The following CSMD2 variants were observed in gnomAD, a reference collection of about 807,000 sequenced individuals.
The protein encoded by CSMD2 is CUB and Sushi multiple domains 2, also known as CUB and sushi domain-containing protein 2.
CSMD2 carries 130 observed loss-of-function variants against 398.5 expected under a neutral mutation model. The observed-to-expected ratio is 0.33, with a 90% CI of 0.28 to 0.38. CSMD2 has a LOEUF of 0.38. Among genes scored for constraint, CSMD2 ranks in the 10% least tolerant of loss-of-function variants. The pLI, the probability that CSMD2 is intolerant of heterozygous loss-of-function variation, is 1.00. For missense variants in CSMD2, 3,829 were observed against 4,764.9 expected (o/e 0.80, Z 5.78); for synonymous variants, 1,828 against 1,908.5 (o/e 0.96, Z 1.10).
intron 2 of CSMD2, among the ~76,000 whole-genome samples, chr1:34,036,454 T>C (rs1478209582): frequency 6.6e-6 from 1 of 152,164 alleles, no homozygotes; most frequent in Non-Finnish European, 1.5e-5. Flanking sequence ...TATATAACAT[T>C]CTAGAGATGA....
chr1:33,545,097 T>A (rs1284970234), intron 57 of CSMD2, among the ~76,000 whole-genome samples: 1 of 152,094 alleles, frequency 6.6e-6, no homozygotes, highest in Non-Finnish European at 1.5e-5. Context: ...ACTTCCCAAT[T>A]CCATTCCACT....
At chr1:33,951,674 TC>T (rs1288380830) in intron 3 of CSMD2, among the ~76,000 whole-genome samples, 2 of 152,178 alleles carry the variant, frequency 1.3e-5, no homozygotes, top group Non-Finnish European at 2.9e-5. Flanking sequence ...CCAGGCACCA[TC>T]CTTAAGCTTC....
At position 33,600,911 on chromosome 1, in the gene CSMD2, G is replaced by C; in HGVS notation, c.6810C>G (p.Phe2270Leu). The C allele has an allele frequency of 1.2e-6, 2 of 1,614,164 alleles. No homozygotes were observed. Among genetic ancestry groups the C allele is most frequent in the Non-Finnish European group, 1.7e-6 (2 of 1,180,044 alleles). Residue 2270 changes from phenylalanine to leucine, a missense_variant, in exon 44 of 71, where the codon TTC becomes TTG. By Grantham distance (22) the Phe-to-Leu change is conservative. Coordinates refer to ENST00000373381, the MANE Select transcript of CSMD2 (RefSeq NM_001281956.2). ...TCCCCCCTGTGGCTGCATCACGGTGGAACTTGAGCAGGACCTGGTTGGATG... is the reference window on the plus strand; with the variant it reads ...TCCCCCCTGTGGCTGCATCACGGTGCAACTTGAGCAGGACCTGGTTGGATG... ...QSSSNQVLLK[F>L]HRDAATGGIF...
chr1:34,162,034 T>C (rs1641373517), intron 1 of CSMD2, among the ~76,000 whole-genome samples: 1 of 151,754 alleles, frequency 6.6e-6, no homozygotes, highest in African/African-American at 2.4e-5. Context: ...TAGCTGGGCA[T>C]GGTGGCATGC....
intron 2 of CSMD2, among the ~76,000 whole-genome samples, chr1:34,050,042 C>A (rs1215253258): frequency 6.6e-6 from 1 of 152,200 alleles, no homozygotes; most frequent in Non-Finnish European, 1.5e-5. Context: ...CAGAATCAGG[C>A]CATTCTGGCA....
At chr1:33,834,392 C>T (rs1184791682) in intron 6 of CSMD2, among the ~76,000 whole-genome samples, 9 of 88,694 alleles carry the variant, frequency 1.0e-4, no homozygotes, top group African/African-American at 4.7e-4. Context: ...GAAAAACAAG[C>T]AATGGGGAAA....
chr1:33,972,416 A>G (rs1239557893), intron 3 of CSMD2, among the ~76,000 whole-genome samples: 2 of 152,174 alleles, frequency 1.3e-5, no homozygotes, highest in African/African-American at 2.4e-5. Context: ...TTTCCAGAAC[A>G]TGGAAATATG....
intron 5 of CSMD2, among the ~76,000 whole-genome samples, chr1:33,895,059 T>C (rs1429097414): frequency 6.6e-6 from 1 of 152,200 alleles, no homozygotes; most frequent in Non-Finnish European, 1.5e-5. Flanking sequence ...CCTCAGTCAG[T>C]GGCCATGAGG....
chr1:33,546,605 A>T (rs551940183), intron 56 of CSMD2, among the ~76,000 whole-genome samples: 1 of 152,276 alleles, frequency 6.6e-6, no homozygotes, highest in Non-Finnish European at 1.5e-5. Flanking sequence ...TAGCTTAGAC[A>T]TTCAACATTC....
intron 53 of CSMD2, among the ~76,000 whole-genome samples, chr1:33,563,449 C>T (rs1218782432): frequency 6.6e-6 from 1 of 151,986 alleles, no homozygotes; most frequent in African/African-American, 2.4e-5. Flanking sequence ...GGTGGGGAAG[C>T]TGAAAGTAGG....
rs1174610901 is a variant in CSMD2, at chr1:33,633,657, T to C, written c.5087-122A>G. 1 of 697,690 alleles carries C rather than the reference T, an allele frequency of 1.4e-6. No homozygotes were observed. The highest frequency in any genetic ancestry group is 2.5e-6 in the Non-Finnish European group (1 of 394,820). 43.2% of individuals were successfully genotyped at this position (697,690 alleles called of 1,614,324 possible). A position where few individuals can be genotyped will look rare whatever the true frequency, so the allele number is the denominator to read the frequency against. On this transcript the variant is annotated intron_variant, in intron 31 of 70. Coordinates refer to ENST00000373381, the MANE Select transcript of CSMD2 (RefSeq NM_001281956.2). The surrounding 1 kb of genome is among the most constrained non-coding windows in gnomAD (Gnocchi z 5.0). ...CTGGGGAAGTTGTTGGTTCCTGGGC[T>C]GTGGCTTGCTGCACTGGTTAGTGCA...
intron 5 of CSMD2, among the ~76,000 whole-genome samples, chr1:33,869,883 T>A (rs1312839736): frequency 6.6e-6 from 1 of 152,222 alleles, no homozygotes; most frequent in African/African-American, 2.4e-5. Flanking sequence ...CTGATCCTCA[T>A]CTGTTTTTCT....
chr1:33,725,303 C>G lies in CSMD2; in HGVS notation c.2695+46G>C, dbSNP rs771876220. ...CACAGTCCTGAGGCCTTTGACCCAC[C>G]TGGGCTGACCTTGTCATCCCTTTTC... On this transcript the variant is annotated intron_variant, in intron 17 of 70. Transcript: ENST00000373381. 6 of 1,564,212 alleles carry G rather than the reference C, an allele frequency of 3.8e-6. No homozygotes were observed. The Admixed American group carries it at 1.0e-4, about 26-fold the overall frequency.
intron 1 of CSMD2, among the ~76,000 whole-genome samples, chr1:34,149,514 A>C (rs995665455): frequency 6.6e-6 from 1 of 152,216 alleles, no homozygotes; most frequent in African/African-American, 2.4e-5. Context: ...AGTACACGGA[A>C]GAAGTTGAGG....
Position 33,569,475 on chromosome 1 carries a change from G to C in CSMD2, c.8030C>G (p.Thr2677Arg). 6.2e-7 allele frequency: 1 copy of C among 1,614,178 alleles called. No homozygotes were observed. Among genetic ancestry groups the C allele is most frequent in the Non-Finnish European group, 8.5e-7 (1 of 1,180,030 alleles). ...TCCGGAATTGCAGGAGAAGATGGCT[G>C]TTGCCCCGTAGACAGACAGTGTTCC... ...RIGTLSVYGA[T>R]AIFSCNSGYT... is the part of the protein sequence containing the mutation. Residue 2677 changes from threonine (T) to arginine (R), a missense_variant, in exon 52 of 71, where the codon ACA (threonine) becomes AGA (arginine). Around this residue, in one of 5 missense-constraint regions of CSMD2, gnomAD observed 723 missense variants for 758.6 expected, o/e 0.95. Coordinates refer to ENST00000373381, the MANE Select transcript of CSMD2 (RefSeq NM_001281956.2).
chr1:33,855,993 GT>G (rs1186750140), intron 5 of CSMD2, among the ~76,000 whole-genome samples: 2 of 152,178 alleles, frequency 1.3e-5, no homozygotes, highest in Non-Finnish European at 2.9e-5. Context: ...GCGTTCTACT[GT>G]TTCCTAGTTG....
At chr1:33,520,707 G>A (rs2148522205) in intron 68 of CSMD2, among the ~76,000 whole-genome samples, 1 of 152,376 alleles carries the variant, frequency 6.6e-6, no homozygotes, top group East Asian at 1.9e-4. Context: ...TCAGTCCAGA[G>A]AAGCTTTCAG....
intron 6 of CSMD2, 128 bp from the exon 7 acceptor site, chr1:33,825,902 G>A: frequency 1.4e-6 from 1 of 703,900 alleles, no homozygotes; most frequent in Non-Finnish European, 2.4e-6. Context: ...GAACTTCTGG[G>A]CTGGGACATT....
rs549605778 is a variant in CSMD2, at chr1:33,537,059, G to A, written c.9842C>T (p.Pro3281Leu). 6.2e-7 allele frequency: 1 copy of A among 1,614,186 alleles called. No individual in the cohort carries two copies. Among genetic ancestry groups the A allele is most frequent in the South Asian group, 1.1e-5 (1 of 91,086 alleles). ...AGAATTGTTCTGTATCCCAAACTGT[G>A]GCACACCAGGGTCCGCACACGTGGT... ...TLTTCADPGV[P>L]QFGIQNNSQG... Residue 3281 changes from proline to leucine, a missense_variant, in exon 62 of 71, where the codon CCA becomes CTA. Physicochemically the swap from Pro to Leu is moderately conservative, Grantham distance 98. Transcript: ENST00000373381. This position sits in a 1 kb window ranked among gnomAD's most constrained non-coding sequence, Gnocchi z 4.6.
Sources: gnomAD v4.1 joint callset for allele counts (sites outside exome capture counted in the v4.1 genomes callset) on GRCh38, gnomAD v4.1.1 for gene constraint, gnomAD v4.1.1 regional missense constraint, Gnocchi (gnomAD v3.1) non-coding constraint, MANE v1.5 for transcripts, NCBI Gene and HGNC (gene_info 2026-07-23, HGNC 2026-07-21) for gene names.